GPC6: variants seen among roughly 807,000 people sequenced by gnomAD.
The protein encoded by GPC6 is glypican-6.
A neutral mutation model predicts 55.2 loss-of-function variants in GPC6; 14 were observed. The observed-to-expected ratio is 0.25, with a 90% confidence interval of 0.17 to 0.40. GPC6 has a LOEUF of 0.40. GPC6 is among the 10% of genes least tolerant of loss of function. GPC6 has a pLI of 1.00. For synonymous variants in GPC6, 278 were observed against 259.6 expected (o/e 1.07, Z -0.68); for missense variants, 641 against 708.5 (o/e 0.90, Z 1.08).
intron 3 of GPC6, among the ~76,000 whole-genome samples, chr13:93,945,639 C>A (rs1261388795): frequency 1.3e-5 from 2 of 152,158 alleles, no homozygotes; most frequent in East Asian, 3.9e-4. Context: ...CTGTTTTGGG[C>A]TGATTGCTGC....
intron 4 of GPC6, among the ~76,000 whole-genome samples, chr13:94,148,923 G>A (rs932097409): frequency 6.6e-6 from 1 of 151,884 alleles, no homozygotes; most frequent in African/African-American, 2.4e-5. Flanking sequence ...CAATGGAGAT[G>A]ATATGTGAGT....
intron 1 of GPC6, among the ~76,000 whole-genome samples, chr13:93,270,024 G>T (rs1397658143): frequency 6.6e-6 from 1 of 151,864 alleles, no homozygotes; most frequent in Non-Finnish European, 1.5e-5. Flanking sequence ...GTCTTTGGGA[G>T]GCTGAGGATT....
At chr13:94,089,601 C>A (rs565291599) in intron 4 of GPC6, among the ~76,000 whole-genome samples, 2 of 133,868 alleles carry the variant, frequency 1.5e-5, no homozygotes, top group East Asian at 2.1e-4. Flanking sequence ...TAGCACTTTA[C>A]CCTGTATTTG....
intron 2 of GPC6, among the ~76,000 whole-genome samples, chr13:93,676,874 G>T (rs950663388): frequency 5.7e-4 from 86 of 152,158 alleles, no homozygotes; most frequent in Middle Eastern, 6.8e-3. Flanking sequence ...GGATGGTCTG[G>T]AACTCTATCT....
At chr13:93,301,107 T>G (rs1878665050) in intron 1 of GPC6, among the ~76,000 whole-genome samples, 1 of 152,258 alleles carries the variant, frequency 6.6e-6, no homozygotes, top group Non-Finnish European at 1.5e-5. Context: ...TCCTTAATGT[T>G]AGCTTTACTA....
In GPC6 at chr13:93,529,806, C is replaced by T. The variant is rs893606256; in HGVS notation, c.161-15457C>T. 6.6e-5 allele frequency among the ~76,000 whole-genome samples: 10 copies of T among 152,190 alleles called. No individual in the cohort carries two copies. The South Asian group carries it at 1.5e-3, about 22-fold the overall frequency. On this transcript the variant is annotated intron_variant, in intron 1 of 8. Transcript: ENST00000377047. ...CTGGGATTACAGGCATGAGCCACCGCGCCTGGCTGTCTCTGAGATTCTTAA... is the reference window on the plus strand; with the variant it reads ...CTGGGATTACAGGCATGAGCCACCGTGCCTGGCTGTCTCTGAGATTCTTAA...
intron 1 of GPC6, among the ~76,000 whole-genome samples, chr13:93,429,269 T>G (rs1470967517): frequency 7.0e-6 from 1 of 142,526 alleles, no homozygotes; most frequent in Admixed American, 7.0e-5. Context: ...TAGAGCCTCC[T>G]CAAAAGAAAA....
chr13:93,813,087 G>A (rs774030482), intron 2 of GPC6, among the ~76,000 whole-genome samples: 2 of 152,122 alleles, frequency 1.3e-5, no homozygotes, highest in Non-Finnish European at 2.9e-5. Context: ...CATTTCCCCT[G>A]CACAGGGAAA....
intron 1 of GPC6, among the ~76,000 whole-genome samples, chr13:93,244,831 C>T (rs941523351): frequency 1.3e-5 from 2 of 152,248 alleles, no homozygotes; most frequent in East Asian, 3.9e-4. Flanking sequence ...TCCTCTGTTC[C>T]TTCTTAGATA....
intron 6 of GPC6, among the ~76,000 whole-genome samples, chr13:94,307,984 A>T (rs1356563781): frequency 6.6e-6 from 1 of 152,186 alleles, no homozygotes. Context: ...AGCTAACAAT[A>T]GTGTATTGTT....
At chr13:93,223,855 G>T (rs1335525772), upstream of GPC6, among the ~76,000 whole-genome samples, 1 of 148,096 alleles carries the variant, frequency 6.8e-6, no homozygotes, top group African/African-American at 2.5e-5. Flanking sequence ...ATTTTCCATC[G>T]TCCTATTCTA....
chr13:94,134,116 T>G (rs1164762664), intron 4 of GPC6, among the ~76,000 whole-genome samples: 2 of 152,226 alleles, frequency 1.3e-5, no homozygotes, highest in Non-Finnish European at 2.9e-5. Context: ...AATCTGTGAT[T>G]TCTTTTTCAT....
chr13:94,390,032 G>A (rs1158310441), intron 7 of GPC6, among the ~76,000 whole-genome samples: 1 of 152,180 alleles, frequency 6.6e-6, no homozygotes, highest in African/African-American at 2.4e-5. Flanking sequence ...TCCTTCCCAA[G>A]GCCAAGAGGT....
intron 2 of GPC6, among the ~76,000 whole-genome samples, chr13:93,630,841 A>T (rs3899317): frequency 6.6e-6 from 1 of 151,906 alleles, no homozygotes; most frequent in Admixed American, 6.6e-5. Flanking sequence ...GTGTTCCCCC[A>T]AAATATTCAC....
intron 1 of GPC6, among the ~76,000 whole-genome samples, chr13:93,349,996 T>C (rs550381091): frequency 1.1e-4 from 16 of 152,344 alleles, no homozygotes; most frequent in African/African-American, 2.6e-4. Flanking sequence ...ATTGTGTTTT[T>C]ACTTTTGCTT....
At chr13:94,400,327 T>A (rs1374015070) in intron 8 of GPC6, among the ~76,000 whole-genome samples, 1 of 152,222 alleles carries the variant, frequency 6.6e-6, no homozygotes, top group Non-Finnish European at 1.5e-5. Flanking sequence ...GGGCCATTAT[T>A]TTTTCCAGCC....
At chr13:93,817,994 TAAA>T (rs1230116352) in intron 2 of GPC6, among the ~76,000 whole-genome samples, 1 of 147,614 alleles carries the variant, frequency 6.8e-6, no homozygotes, top group African/African-American at 2.5e-5. Context: ...ATATATAAAA[TAAA>T]AACATAAATT....
intron 6 of GPC6, among the ~76,000 whole-genome samples, chr13:94,366,248 T>G (rs1879282467): frequency 6.6e-6 from 1 of 152,214 alleles, no homozygotes; most frequent in Non-Finnish European, 1.5e-5. Flanking sequence ...GTTCAAACAT[T>G]AAACTTTTTC....
intron 1 of GPC6, among the ~76,000 whole-genome samples, chr13:93,483,530 T>C (rs1879593603): frequency 6.6e-6 from 1 of 152,166 alleles, no homozygotes. Context: ...TCTAAGATAC[T>C]TTTAATAATA....
Sources: gnomAD v4.1 joint callset for allele counts (sites outside exome capture counted in the v4.1 genomes callset) on GRCh38, gnomAD v4.1.1 for gene constraint, MANE v1.5 for transcripts, NCBI Gene and HGNC (gene_info 2026-07-23, HGNC 2026-07-21) for gene names.